UCHL5: variants seen among roughly 807,000 people sequenced by gnomAD.
The protein encoded by UCHL5 is ubiquitin C-terminal hydrolase L5, also known as ubiquitin carboxyl-terminal hydrolase isozyme L5.
Under a neutral mutation model 53.8 loss-of-function variants are expected in UCHL5, and 34 were observed. The observed-to-expected ratio is 0.63, with a 90% CI of 0.48 to 0.84. The LOEUF is 0.84. UCHL5 is among the 40% of genes least tolerant of loss of function. The pLI is 0.00. For missense variants in UCHL5, 290 were observed against 385.6 expected (o/e 0.75, Z 2.08); for synonymous variants, 111 against 126.3 (o/e 0.88, Z 0.81).
At chr1:193,041,153 T>C (rs1022443745) in intron 3 of UCHL5, among the ~76,000 whole-genome samples, 6 of 152,230 alleles carry the variant, frequency 3.9e-5, no homozygotes, top group Non-Finnish European at 8.8e-5. Flanking sequence ...TGAATGTTTC[T>C]AGCATAAAGA....
intron 3 of UCHL5, among the ~76,000 whole-genome samples, chr1:193,032,731 C>G (rs1050046654): frequency 1.3e-5 from 2 of 152,166 alleles, no homozygotes; most frequent in African/African-American, 4.8e-5. Flanking sequence ...TGAACAGACA[C>G]TTTTCAAAAG....
intron 3 of UCHL5, among the ~76,000 whole-genome samples, chr1:193,046,839 A>T (rs1280903846): frequency 2.0e-5 from 3 of 149,806 alleles, no homozygotes; most frequent in South Asian, 4.2e-4. Flanking sequence ...ATTACTAAGT[A>T]AAAAAAAACA....
Position 193,018,323 on chromosome 1 carries a change from A to AT in UCHL5, c.943-1929dup, listed in dbSNP as rs752938284. 2.1e-3 allele frequency: 472 copies of AT among 224,798 alleles called. 4 individuals carry two copies. The highest frequency in any genetic ancestry group is 9.6e-3 in the African/African-American group (412 of 42,882). The allele number at this position is 224,798 out of a possible 1,614,324, so 13.9% of individuals were successfully genotyped here. ...GGTAGTTAAAAATTTAAGATAGACA[A>AT]TGATTCATAATTACATACAAATGTG... On this transcript the variant is annotated intron_variant, in intron 10 of 10. Coordinates refer to ENST00000367454, the MANE Select transcript of UCHL5 (RefSeq NM_001199261.3).
intron 10 of UCHL5, 69 bp from the exon 11 acceptor site, chr1:193,016,464 G>T (rs1571396311): frequency 7.2e-7 from 1 of 1,395,420 alleles, no homozygotes; most frequent in East Asian, 2.4e-5. Flanking sequence ...AATAAAATGT[G>T]CCTAAGAGGG....
Position 193,049,727 on chromosome 1 carries a change from G to T in UCHL5, c.246+19C>A. The T allele has an allele frequency of 6.4e-7, 1 of 1,563,104 alleles. No homozygotes were observed. Among genetic ancestry groups the T allele is most frequent in the Non-Finnish European group, 8.7e-7 (1 of 1,151,138 alleles). ...AAAGGGTTGCTCTTGAGACTTTTCA[G>T]AGTATCCAAGGACCATACCTGCTTA... On this transcript the variant is annotated intron_variant, in intron 3 of 10. Transcript: ENST00000367454.
chr1:193,059,732 C>A, upstream of UCHL5: 1 of 1,352,444 alleles, frequency 7.4e-7, no homozygotes, highest in Non-Finnish European at 9.8e-7. This position sits in a 1 kb window ranked among gnomAD's most constrained non-coding sequence, Gnocchi z 4.9. Context: ...CGCAGGACTT[C>A]TCCTGGCGGC....
At chr1:193,040,153 C>T (rs1190111829) in intron 3 of UCHL5, among the ~76,000 whole-genome samples, 2 of 152,062 alleles carry the variant, frequency 1.3e-5, no homozygotes, top group Non-Finnish European at 2.9e-5. Flanking sequence ...AATAGGATTA[C>T]ATCAAACTAA....
chr1:193,030,096 T>C (rs1660816330), intron 3 of UCHL5, among the ~76,000 whole-genome samples: 1 of 152,222 alleles, frequency 6.6e-6, no homozygotes, highest in Non-Finnish European at 1.5e-5. Context: ...CAACTCACAT[T>C]AGTTTCCACC....
intron 3 of UCHL5, among the ~76,000 whole-genome samples, chr1:193,048,574 C>T (rs939585652): frequency 1.3e-5 from 2 of 152,220 alleles, no homozygotes; most frequent in Non-Finnish European, 2.9e-5. Context: ...CGTTGACATA[C>T]TGTCAAAGAA....
At chr1:193,037,515 T>C (rs899474335) in intron 3 of UCHL5, among the ~76,000 whole-genome samples, 6 of 152,070 alleles carry the variant, frequency 3.9e-5, no homozygotes, top group African/African-American at 1.4e-4. Flanking sequence ...AAGCCCAGGA[T>C]GTGACAACTT....
rs1049865272 is a variant in UCHL5, at chr1:193,015,642, T to C, written c.*709A>G. ...ATTCCATTGAGAGTAACACCAACAT[T>C]CTTTAAGATTTACAATTTCTTCTTA... On this transcript the variant is annotated 3_prime_UTR_variant, in exon 11 of 11. Coordinates refer to ENST00000367454, the MANE Select transcript of UCHL5 (RefSeq NM_001199261.3). 1.3e-5 allele frequency: 2 copies of C among 152,028 alleles called. No individual in the cohort carries two copies. The highest frequency in any genetic ancestry group is 2.9e-5 in the Non-Finnish European group (2 of 67,930). 9.4% of individuals were successfully genotyped at this position (152,028 alleles called of 1,614,324 possible). A position where few individuals can be genotyped will look rare whatever the true frequency, so the allele number is the denominator to read the frequency against.
At chr1:193,045,319 T>C (rs1444011028) in intron 3 of UCHL5, among the ~76,000 whole-genome samples, 2 of 152,224 alleles carry the variant, frequency 1.3e-5, no homozygotes, top group Non-Finnish European at 2.9e-5. Flanking sequence ...CCAAACCTCA[T>C]GTTGAAATGT....
chr1:193,042,339 G>A (rs530072322), intron 3 of UCHL5, among the ~76,000 whole-genome samples: 1 of 152,130 alleles, frequency 6.6e-6, no homozygotes, highest in Non-Finnish European at 1.5e-5. Flanking sequence ...TATTTCAGCG[G>A]TAAGTTCTTA....
chr1:193,026,884 G>T (rs1461772731), intron 7 of UCHL5, among the ~76,000 whole-genome samples: 1 of 152,070 alleles, frequency 6.6e-6, no homozygotes, highest in African/African-American at 2.4e-5. Flanking sequence ...CAAAAAGCTG[G>T]TATATCCATA....
chr1:193,021,254 C>T, intron 9 of UCHL5, 59 bp from the exon 10 acceptor site: 1 of 1,150,212 alleles, frequency 8.7e-7, no homozygotes, highest in Non-Finnish European at 1.3e-6. Flanking sequence ...ATATTTTATT[C>T]TTTGCATCCA....
chr1:193,038,273 G>A (rs183568060), intron 3 of UCHL5, among the ~76,000 whole-genome samples: 15 of 152,034 alleles, frequency 9.9e-5, no homozygotes, highest in African/African-American at 2.7e-4. Flanking sequence ...TGGCTAACAC[G>A]GTGAAACCCT....
chr1:193,022,944 CT>C lies in UCHL5; in HGVS notation c.824del (p.Gln275ArgfsTer3). ...AACATACCTTGTATCTTTTTAATTT[CT>C]GTACTTCTTCTTCAATAAGCATCTG... ...KNQMLIEEEV[Q>X]KLKRYKIENI... On this transcript the variant is annotated frameshift_variant, in exon 9 of 11. Transcript: ENST00000367454. LOFTEE classifies it high-confidence loss of function. The C allele has an allele frequency of 3.1e-6, 5 of 1,610,358 alleles. No homozygotes were observed. The highest frequency in any genetic ancestry group is 4.2e-6 in the Non-Finnish European group (5 of 1,177,314).
chr1:193,017,253 T>A (rs1655170033), intron 10 of UCHL5, among the ~76,000 whole-genome samples: 1 of 151,806 alleles, frequency 6.6e-6, no homozygotes, highest in Non-Finnish European at 1.5e-5. Context: ...ATTTTTCCAC[T>A]GTGCCACTTC....
chr1:193,029,180 T>C lies in UCHL5; in HGVS notation c.564A>G (p.Leu188=). The C allele has an allele frequency of 6.2e-7, 1 of 1,612,366 alleles. No individual in the cohort carries two copies. The highest frequency in any genetic ancestry group is 8.5e-7 in the Non-Finnish European group (1 of 1,179,396). Reference sequence around the variant, plus strand: ...TATCAGGAACAGGAACTGCATTACCTAAATCAATCGGTCCTTCTCTTAATC... The same window carrying C: ...TATCAGGAACAGGAACTGCATTACCCAAATCAATCGGTCCTTCTCTTAATC... ...LDGLREGPID[L]GACNQDDWIS... is the part of the protein sequence containing the mutation. The change falls in exon 6 of 11, where the codon TTA becomes TTG. Residue 188 remains leucine (L), a splice_region_variant and synonymous_variant. Coordinates refer to ENST00000367454, the MANE Select transcript of UCHL5 (RefSeq NM_001199261.3).
Sources: allele counts gnomAD v4.1 joint callset (sites outside exome capture counted in the v4.1 genomes callset), GRCh38; gene constraint gnomAD v4.1.1; non-coding constraint Gnocchi (gnomAD v3.1); transcripts MANE v1.5; gene names NCBI Gene and HGNC (gene_info 2026-07-23, HGNC 2026-07-21).